Variants in EXO1 observed in about 807,000 individuals in gnomAD.
The protein encoded by EXO1 is exonuclease 1.
EXO1 carries 69 observed loss-of-function variants against 84.5 expected under a neutral mutation model. That is an observed-to-expected ratio of 0.82 (90% CI 0.67 to 1.00). The LOEUF is 1.00. Among genes scored for constraint, EXO1 ranks in the 50% least tolerant of loss-of-function variants. The probability of loss-of-function intolerance (pLI) is 0.00; values close to 1 mark genes in which losing one functional copy is unlikely to be tolerated. For synonymous variants in EXO1, 373 were observed against 366.1 expected, an observed-to-expected ratio of 1.02 and a Z score of -0.21; for missense variants, 1,045 against 1,000.7, an observed-to-expected ratio of 1.04 and a Z score of -0.60.
At chr1:241,850,907 T>C (rs1183516930) in intron 4 of EXO1, among the ~76,000 whole-genome samples, 1 of 142,842 alleles carries the variant, frequency 7.0e-6, no homozygotes, top group African/African-American at 2.6e-5. Flanking sequence ...CAATCTTGGC[T>C]CACTGCAACC....
At chr1:241,858,820 C>T in intron 8 of EXO1, 102 bp downstream of exon 8, 2 of 849,466 alleles carry the variant, frequency 2.4e-6, no homozygotes, top group Non-Finnish European at 1.9e-6. Context: ...TGCGAATAAC[C>T]TATATTATAT....
chr1:241,861,696 A>T (rs549242942), intron 10 of EXO1, among the ~76,000 whole-genome samples, 194 bp downstream of exon 10: 1 of 152,180 alleles, frequency 6.6e-6, no homozygotes, highest in African/African-American at 2.4e-5. Flanking sequence ...TTAATTTTTT[A>T]AAATTAAGAA....
At chr1:241,850,668 G>GT in intron 4 of EXO1, 82 bp downstream of exon 4, 1 of 1,147,340 alleles carries the variant, frequency 8.7e-7, no homozygotes, top group East Asian at 2.4e-5. Context: ...GAAACGGATT[G>GT]TTTTCACTCA....
Position 241,857,422 on chromosome 1 carries a change from G to A in EXO1, c.483G>A (p.Ala161=), listed in dbSNP as rs751898352. The change falls in exon 7 of 16, where the codon GCG becomes GCA. Residue 161 remains alanine, a synonymous_variant. Coordinates refer to ENST00000366548, the MANE Select transcript of EXO1 (RefSeq NM_130398.4). ...ADAQLAYLNK[A]GIVQAIITED... ...CGCAGTTGGCCTATCTTAACAAAGC[G>A]GGAATTGTGCAAGCCATAATTACAG... 4 of 1,613,902 alleles carry A rather than the reference G, an allele frequency of 2.5e-6. No individual in the cohort carries two copies. The highest frequency in any genetic ancestry group is 1.7e-5 in the Admixed American group (1 of 59,994).
At chr1:241,885,940 G>A (rs761706728) in intron 15 of EXO1, among the ~76,000 whole-genome samples, 1 of 150,398 alleles carries the variant, frequency 6.6e-6, no homozygotes, top group Non-Finnish European at 1.5e-5. Context: ...CGCAACCTCC[G>A]CCACCTGGGC....
chr1:241,862,913 T>C (rs1219116610), intron 10 of EXO1, among the ~76,000 whole-genome samples: 1 of 152,210 alleles, frequency 6.6e-6, no homozygotes, highest in Admixed American at 6.5e-5. Context: ...TGTAATTAGG[T>C]TAGCTAGGGT....
At chr1:241,881,867 C>A in intron 13 of EXO1, 49 bp from the exon 14 acceptor site, 2 of 910,848 alleles carry the variant, frequency 2.2e-6, no homozygotes, top group South Asian at 1.5e-5. Flanking sequence ...CATAAAAATT[C>A]TACAGTAAAA....
At chr1:241,880,295 A>C (rs955153509) in intron 13 of EXO1, among the ~76,000 whole-genome samples, 1 of 152,172 alleles carries the variant, frequency 6.6e-6, no homozygotes. Context: ...TATCTTGAAC[A>C]TCTTTCATAA....
intron 12 of EXO1, among the ~76,000 whole-genome samples, chr1:241,877,979 G>A (rs1249017284): frequency 6.6e-6 from 1 of 152,030 alleles, no homozygotes; most frequent in Non-Finnish European, 1.5e-5. Context: ...GTTGTCAATT[G>A]TCCTTTTGGT....
At chr1:241,882,073 T>A in intron 14 of EXO1, 56 bp downstream of exon 14, 1 of 818,438 alleles carries the variant, frequency 1.2e-6, no homozygotes, top group Non-Finnish European at 2.1e-6. Context: ...TGCTTACAAC[T>A]AGAAAATGAG....
In EXO1 at chr1:241,872,110, G is replaced by A. The variant is rs1411670183; in HGVS notation, c.1346G>A (p.Gly449Asp). ...AAGACCAAGAAAAATAGCTCTGAAGGCAATAAATCATTGAGCTTTTCTGAA... is the reference window on the plus strand; with the variant it reads ...AAGACCAAGAAAAATAGCTCTGAAGACAATAAATCATTGAGCTTTTCTGAA... ...TKKTKKNSSE[G>D]NKSLSFSEVF... The change falls in exon 12 of 16, where the codon GGC (glycine) becomes GAC (aspartate). Residue 449 changes from glycine to aspartate, a missense_variant. Transcript: ENST00000366548. The A allele has an allele frequency of 6.2e-7, 1 of 1,613,718 alleles. No individual in the cohort carries two copies. The highest frequency in any genetic ancestry group is 8.5e-7 in the Non-Finnish European group (1 of 1,179,752).
intron 7 of EXO1, 47 bp from the exon 8 acceptor site, chr1:241,858,459 A>T (rs778413241): frequency 8.3e-7 from 1 of 1,198,758 alleles, no homozygotes; most frequent in South Asian, 1.2e-5. Context: ...TTAGATAATG[A>T]CAAAAGTGGC....
chr1:241,862,167 A>G (rs946638820), intron 10 of EXO1, among the ~76,000 whole-genome samples: 1 of 151,982 alleles, frequency 6.6e-6, no homozygotes, highest in Non-Finnish European at 1.5e-5. Context: ...GGAACTCCCA[A>G]CCTCGGGTGA....
chr1:241,879,433 G>A (rs4149980), intron 13 of EXO1, 90 bp downstream of exon 13: 27,310 of 732,060 alleles, frequency 0.037, 887 homozygotes, highest in East Asian at 0.13. Flanking sequence ...TCCTACATGT[G>A]AATGACGAGC....
chr1:241,861,943 A>T (rs2797605), intron 10 of EXO1, among the ~76,000 whole-genome samples: 99,022 of 151,446 alleles, frequency 0.65, 33,325 homozygotes, highest in African/African-American at 0.81. Flanking sequence ...GTTTTCTTTT[A>T]TTTTTCTTTT....
At chr1:241,858,748 A>C (rs763830878) in intron 8 of EXO1, 30 bp downstream of exon 8, 16 of 1,363,476 alleles carry the variant, frequency 1.2e-5, no homozygotes, top group Middle Eastern at 1.8e-4. Flanking sequence ...TGTCATATTC[A>C]ATTTCTGAAG....
chr1:241,881,005 A>G (rs1662715938), intron 13 of EXO1, among the ~76,000 whole-genome samples: 1 of 151,914 alleles, frequency 6.6e-6, no homozygotes, highest in Non-Finnish European at 1.5e-5. Context: ...GCTTTTCACT[A>G]TTGGGTTTTT....
chr1:241,853,636 A>G (rs778823480), intron 6 of EXO1, among the ~76,000 whole-genome samples, 155 bp downstream of exon 6: 5 of 151,972 alleles, frequency 3.3e-5, no homozygotes, highest in African/African-American at 4.8e-5. Context: ...ATCACTAGAT[A>G]GAGAAGACTT....
At chr1:241,851,383 A>C (rs1660661723) in intron 4 of EXO1, among the ~76,000 whole-genome samples, 1 of 152,240 alleles carries the variant, frequency 6.6e-6, no homozygotes, top group Admixed American at 6.5e-5. Context: ...AAAAATAAGG[A>C]TAACAATGTA....
Sources: allele counts gnomAD v4.1 joint callset (sites outside exome capture counted in the v4.1 genomes callset), GRCh38; gene constraint gnomAD v4.1.1; transcripts MANE v1.5; gene names NCBI Gene and HGNC (gene_info 2026-07-23, HGNC 2026-07-21).